RPS6KC1: variants seen among roughly 807,000 people sequenced by gnomAD.
RPS6KC1 encodes the protein ribosomal protein S6 kinase C1, also known as inactive ribosomal protein S6 kinase delta-1.
A neutral mutation model predicts 103.8 loss-of-function variants in RPS6KC1; 54 were observed. That is an observed-to-expected ratio of 0.52 (90% CI 0.42 to 0.65). The LOEUF (loss-of-function observed/expected upper bound fraction) is 0.65. Ranked by LOEUF, RPS6KC1 falls within the 30% of genes least tolerant of loss-of-function variation. The pLI is 0.00. For synonymous variants in RPS6KC1, 439 were observed against 438.7 expected (o/e 1.00, Z -0.01); for missense variants, 1,151 against 1,253.8 (o/e 0.92, Z 1.24).
the RPS6KC1 span, among the ~76,000 whole-genome samples, chr1:213,663,760 G>A: frequency 2.0e-5 from 3 of 152,274 alleles, no homozygotes; most frequent in Non-Finnish European, 4.4e-5. Flanking sequence ...GCCTGGCCCT[G>A]AGACTTGGCA....
the RPS6KC1 span, among the ~76,000 whole-genome samples, chr1:213,432,079 A>T: frequency 6.6e-6 from 1 of 152,188 alleles, no homozygotes; most frequent in Non-Finnish European, 1.5e-5. Context: ...GTTTTTGAGA[A>T]GTGCCAGTAT....
At chr1:213,074,677 A>G (rs1484387028) in intron 2 of RPS6KC1, among the ~76,000 whole-genome samples, 1 of 152,046 alleles carries the variant, frequency 6.6e-6, no homozygotes, top group Non-Finnish European at 1.5e-5. Flanking sequence ...AAATTAGGGC[A>G]TGGTGAAGAA....
the RPS6KC1 span, among the ~76,000 whole-genome samples, chr1:213,426,858 A>C: frequency 6.6e-6 from 1 of 152,240 alleles, no homozygotes; most frequent in Admixed American, 6.5e-5. Flanking sequence ...TATTCAGTCT[A>C]TCATCTAGGA....
At chr1:213,546,830 C>T in the RPS6KC1 span, among the ~76,000 whole-genome samples, 3 of 152,132 alleles carry the variant, frequency 2.0e-5, no homozygotes, top group East Asian at 1.9e-4. Context: ...GAATCAATAT[C>T]GATACATTAT....
At chr1:213,645,359 G>A in the RPS6KC1 span, among the ~76,000 whole-genome samples, 3 of 152,194 alleles carry the variant, frequency 2.0e-5, no homozygotes, top group South Asian at 2.1e-4. Context: ...AAGCCATTAC[G>A]GGTGAGAAAT....
At chr1:213,219,673 G>A (rs2093773282) in intron 8 of RPS6KC1, among the ~76,000 whole-genome samples, 1 of 152,156 alleles carries the variant, frequency 6.6e-6, no homozygotes, top group African/African-American at 2.4e-5. Flanking sequence ...GGAGTACTAT[G>A]CAGCCATATA....
chr1:213,318,411 T>C, the RPS6KC1 span, among the ~76,000 whole-genome samples: 1 of 152,260 alleles, frequency 6.6e-6, no homozygotes, highest in South Asian at 2.1e-4. Flanking sequence ...CTGGGATACC[T>C]TGTAAATTTA....
At chr1:213,344,433 A>G in the RPS6KC1 span, among the ~76,000 whole-genome samples, 6 of 152,230 alleles carry the variant, frequency 3.9e-5, no homozygotes, top group Non-Finnish European at 7.3e-5. Context: ...TGGTGCAAAT[A>G]TGAAGTCAGC....
At chr1:213,183,342 C>CTACACAT (rs1200629848) in intron 8 of RPS6KC1, among the ~76,000 whole-genome samples, 2 of 152,052 alleles carry the variant, frequency 1.3e-5, no homozygotes, top group Non-Finnish European at 2.9e-5. Context: ...AACACTCTAC[C>CTACACAT]TAAGAACAGC....
intron 6 of RPS6KC1, among the ~76,000 whole-genome samples, chr1:213,167,482 AC>A (rs1172116868): frequency 0.024 from 3,357 of 140,202 alleles, 135 homozygotes; most frequent in African/African-American, 0.085. Context: ...ACACACACAC[AC>A]ACACACAACA....
the RPS6KC1 span, among the ~76,000 whole-genome samples, chr1:213,473,647 C>T: frequency 2.0e-5 from 3 of 152,110 alleles, no homozygotes; most frequent in African/African-American, 7.2e-5. Flanking sequence ...GACAAATAGC[C>T]CTAAAACATC....
chr1:213,296,662 A>G, the RPS6KC1 span, among the ~76,000 whole-genome samples: 1 of 152,154 alleles, frequency 6.6e-6, no homozygotes, highest in African/African-American at 2.4e-5. Context: ...ATTTCTATAG[A>G]GTCAGAATAG....
At chr1:213,143,961 T>C (rs2087408257) in intron 6 of RPS6KC1, among the ~76,000 whole-genome samples, 1 of 152,046 alleles carries the variant, frequency 6.6e-6, no homozygotes, top group Non-Finnish European at 1.5e-5. Flanking sequence ...TGCATCGCTC[T>C]GACCATTCTT....
the RPS6KC1 span, among the ~76,000 whole-genome samples, chr1:213,554,316 G>C: frequency 6.6e-6 from 1 of 152,110 alleles, no homozygotes; most frequent in Non-Finnish European, 1.5e-5. Flanking sequence ...TCTTGTTGAA[G>C]ATCACATGGT....
chr1:213,170,151 A>T (rs1409170941), intron 7 of RPS6KC1, among the ~76,000 whole-genome samples: 1 of 152,210 alleles, frequency 6.6e-6, no homozygotes, highest in Non-Finnish European at 1.5e-5. Flanking sequence ...TTAAATTTGA[A>T]TGGTTTACCT....
chr1:213,091,334 A>T (rs1252494149), intron 3 of RPS6KC1, among the ~76,000 whole-genome samples: 1 of 152,086 alleles, frequency 6.6e-6, no homozygotes, highest in East Asian at 1.9e-4. Context: ...TGCTGGGATT[A>T]CAGGGGTGAG....
chr1:213,628,863 G>A, the RPS6KC1 span, among the ~76,000 whole-genome samples: 1 of 152,132 alleles, frequency 6.6e-6, no homozygotes, highest in Admixed American at 6.5e-5. Context: ...TCAGGAGCAG[G>A]TTGCTCAGTT....
the RPS6KC1 span, among the ~76,000 whole-genome samples, chr1:213,286,430 G>A: frequency 5.9e-5 from 9 of 152,298 alleles, no homozygotes; most frequent in East Asian, 1.2e-3. Context: ...AGGACTCAGA[G>A]CCTCCTACTG....
chr1:213,493,016 C>T, the RPS6KC1 span, among the ~76,000 whole-genome samples: 4 of 152,126 alleles, frequency 2.6e-5, no homozygotes, highest in East Asian at 1.9e-4. Flanking sequence ...TGGTAGAGAT[C>T]GTGGTGATGG....
Sources: gnomAD v4.1 joint callset for allele counts (sites outside exome capture counted in the v4.1 genomes callset) on GRCh38, gnomAD v4.1.1 for gene constraint, MANE v1.5 for transcripts, NCBI Gene and HGNC (gene_info 2026-07-23, HGNC 2026-07-21) for gene names.